ITSN1: variants seen among roughly 807,000 people sequenced by gnomAD.
ITSN1 encodes intersectin-1.
ITSN1 carries 58 observed loss-of-function variants against 239.8 expected under a neutral mutation model. The observed-to-expected ratio is 0.24, with a 90% CI of 0.20 to 0.30. The LOEUF (loss-of-function observed/expected upper bound fraction) is 0.30. Ranked by LOEUF, ITSN1 falls within the 10% of genes least tolerant of loss-of-function variation. ITSN1 has a pLI of 1.00. For synonymous variants in ITSN1, 780 were observed against 770.8 expected (o/e 1.01, Z -0.20); for missense variants, 1,558 against 2,103.3 (o/e 0.74, Z 5.07).
At chr21:33,786,482 A>C (rs2070692527) in intron 16 of ITSN1, among the ~76,000 whole-genome samples, 2 of 152,242 alleles carry the variant, frequency 1.3e-5, no homozygotes, top group South Asian at 4.1e-4. Flanking sequence ...TATGATTCAA[A>C]CAAGTGTTAA....
chr21:33,685,420 A>G lies in ITSN1; in HGVS notation c.-32-33377A>G, dbSNP rs7280638. On this transcript the variant is annotated intron_variant, in intron 1 of 39. Transcript: ENST00000381318. ...TTATCTAAATAGTATTGAAAGGAAGAAAGAATTATTTCACCAAGAGTTGGC... is the reference window on the plus strand; with the variant it reads ...TTATCTAAATAGTATTGAAAGGAAGGAAGAATTATTTCACCAAGAGTTGGC... Among the ~76,000 whole-genome samples the G allele has an allele frequency of 7.4e-3, 1,127 of 152,188 alleles. 9 individuals are homozygous for G. Among genetic ancestry groups the G allele is most frequent in the African/African-American group, 0.026 (1,066 of 41,522 alleles).
chr21:33,669,149 C>G (rs2090102601), intron 1 of ITSN1, among the ~76,000 whole-genome samples: 1 of 152,252 alleles, frequency 6.6e-6, no homozygotes, highest in South Asian at 2.1e-4. Context: ...ATGGTGCGAT[C>G]TCTGCTCACT....
intron 29 of ITSN1, among the ~76,000 whole-genome samples, chr21:33,844,136 C>G (rs1395352200): frequency 3.3e-5 from 5 of 152,324 alleles, no homozygotes; most frequent in Non-Finnish European, 7.3e-5. Flanking sequence ...CGTGCACGAA[C>G]CCTGGCCCCC....
At chr21:33,887,986 C>G (rs1029910897) in intron 39 of ITSN1, among the ~76,000 whole-genome samples, 166 bp from the exon 40 acceptor site, 1 of 151,914 alleles carries the variant, frequency 6.6e-6, no homozygotes, top group Non-Finnish European at 1.5e-5. Context: ...GACACATTGG[C>G]AACTCCGCTG....
At chr21:33,711,063 C>T (rs2092401834) in intron 1 of ITSN1, among the ~76,000 whole-genome samples, 1 of 152,076 alleles carries the variant, frequency 6.6e-6, no homozygotes, top group East Asian at 1.9e-4. Context: ...GCATGAGCCA[C>T]CGCGCCTGGC....
At chr21:33,767,621 G>T in intron 10 of ITSN1, 92 bp from the exon 11 acceptor site, 2 of 596,958 alleles carry the variant, frequency 3.4e-6, no homozygotes, top group Admixed American at 3.2e-5. Flanking sequence ...CCATGGCATG[G>T]TAAAATCTTT....
At chr21:33,643,050 G>A (rs894853963) in intron 1 of ITSN1, among the ~76,000 whole-genome samples, 3 of 149,870 alleles carry the variant, frequency 2.0e-5, no homozygotes, top group African/African-American at 7.3e-5. Context: ...CCCTCCTCTC[G>A]CGGGGACCCC....
rs771743810 is a variant in ITSN1 at position 33,829,636 on chromosome 21, T to C, written c.3242T>C (p.Val1081Ala). Residue 1081 changes from valine to alanine, a missense_variant, in exon 27 of 40, where the codon GTT becomes GCT. Physicochemically the swap from Val to Ala is moderately conservative, Grantham distance 64. Around this residue, in one of 2 missense-constraint regions of ITSN1, gnomAD observed 576 missense variants for 893.3 expected, o/e 0.64. Transcript: ENST00000381318. ...SLGKKPEIAQ[V>A]IASYTATGPE... The stretch of plus-strand genomic sequence containing the variant: ...TCTTGTTTTTCAGAAATTGCCCAGG[T>C]TATTGCCTCATACACCGCCACCGGC... The C allele has an allele frequency of 1.2e-6, 2 of 1,612,242 alleles. No individual in the cohort carries two copies. The highest frequency in any genetic ancestry group is 1.7e-5 in the Admixed American group (1 of 60,012).
intron 2 of ITSN1, among the ~76,000 whole-genome samples, chr21:33,719,346 C>A (rs756497921): frequency 1.3e-5 from 2 of 152,130 alleles, no homozygotes; most frequent in Non-Finnish European, 2.9e-5. Flanking sequence ...GAGGCTGAGG[C>A]AGGAGAATGA....
chr21:33,677,342 C>CTT lies in ITSN1; in HGVS notation c.-33+34644_-33+34645dup, dbSNP rs748470766. Among the ~76,000 whole-genome samples, 945 of 137,138 alleles carry CTT rather than the reference C, an allele frequency of 6.9e-3. 6 individuals carry two copies. Among genetic ancestry groups the CTT allele is most frequent in the African/African-American group, 0.024 (892 of 37,682 alleles). The allele number at this position is 137,138 out of a possible 152,430, so 90.0% of individuals were successfully genotyped here. A position where few individuals can be genotyped will look rare whatever the true frequency, so the allele number is the denominator to read the frequency against. ...AAATTAACATAGCCAAAGCAGAATT[C>CTT]TTTTTTTTTTTTTTTTAAGACAGAG... On this transcript the variant is annotated intron_variant, in intron 1 of 39. Transcript: ENST00000381318.
intron 27 of ITSN1, among the ~76,000 whole-genome samples, chr21:33,833,871 C>CAAA (rs923200436): frequency 3.3e-5 from 2 of 61,204 alleles, no homozygotes; most frequent in Non-Finnish European, 3.6e-5. Flanking sequence ...GACTCCGTCT[C>CAAA]AAAAAAAAAA....
intron 1 of ITSN1, among the ~76,000 whole-genome samples, chr21:33,687,058 C>T (rs546505179): frequency 5.9e-5 from 9 of 152,132 alleles, no homozygotes; most frequent in African/African-American, 1.4e-4. Flanking sequence ...CAGCTGGGTA[C>T]GGTGGCCCAT....
Position 33,867,089 on chromosome 21 carries a change from C to T in ITSN1, c.4075-144C>T, listed in dbSNP as rs983498029. 15 of 618,128 alleles carry T rather than the reference C, an allele frequency of 2.4e-5. 1 individual carries two copies. The highest frequency in any genetic ancestry group is 1.3e-4 in the South Asian group (7 of 52,306). 38.3% of individuals were successfully genotyped at this position (618,128 alleles called of 1,614,324 possible). On this transcript the variant is annotated intron_variant, in intron 32 of 39. Transcript: ENST00000381318. ...TGTCATCCTGGACAGGGTAACTAGT[C>T]AGGCCCTTCCAACCCCAGGTCTCTC...
intron 31 of ITSN1, among the ~76,000 whole-genome samples, chr21:33,861,123 G>GA (rs1397751338): frequency 6.6e-6 from 1 of 152,128 alleles, no homozygotes; most frequent in Non-Finnish European, 1.5e-5. Flanking sequence ...CATTTTACTA[G>GA]AAAAAATCTC....
chr21:33,663,528 A>C (rs1448065905), intron 1 of ITSN1, among the ~76,000 whole-genome samples: 2 of 152,262 alleles, frequency 1.3e-5, no homozygotes, highest in Non-Finnish European at 2.9e-5. Context: ...AAGAGATCTG[A>C]ATCAGGATGA....
In ITSN1 at chr21:33,729,459, CAAAT is replaced by C. The variant is rs375906902; in HGVS notation, c.186-5581_186-5578del. Reference sequence around the variant, plus strand: ...TGAGACCCTGTCTCAAACAAACAAACAAATAAAAAAAAAAAAAAGAACCTAGTAA... The same window carrying C: ...TGAGACCCTGTCTCAAACAAACAAACAAAAAAAAAAAAAAGAACCTAGTAA... On this transcript the variant is annotated intron_variant, in intron 4 of 39. Transcript: ENST00000381318. Among the ~76,000 whole-genome samples, 39 of 141,014 alleles carry C rather than the reference CAAAT, an allele frequency of 2.8e-4. 1 individual carries two copies. Among genetic ancestry groups the C allele is most frequent in the African/African-American group, 8.7e-4 (33 of 38,066 alleles). The allele number at this position is 141,014 out of a possible 152,430, so 92.5% of individuals were successfully genotyped here.
intron 29 of ITSN1, among the ~76,000 whole-genome samples, chr21:33,839,836 A>G (rs1326124417): frequency 6.6e-6 from 1 of 152,160 alleles, no homozygotes; most frequent in African/African-American, 2.4e-5. Context: ...ATTGGACCCC[A>G]TGATTCTCAG....
intron 4 of ITSN1, among the ~76,000 whole-genome samples, chr21:33,724,874 C>T (rs1031993546): frequency 5.9e-5 from 9 of 152,004 alleles, no homozygotes; most frequent in Admixed American, 2.6e-4. Context: ...ATGCTGGTCT[C>T]GAACTCCTGG....
At chr21:33,662,553 A>C (rs886939825) in intron 1 of ITSN1, among the ~76,000 whole-genome samples, 2 of 152,150 alleles carry the variant, frequency 1.3e-5, no homozygotes, top group African/African-American at 2.4e-5. Context: ...CCAGGGAAAA[A>C]ACTGATTTCC....
Sources: gnomAD v4.1 joint callset for allele counts (sites outside exome capture counted in the v4.1 genomes callset) on GRCh38, gnomAD v4.1.1 for gene constraint, gnomAD v4.1.1 regional missense constraint, MANE v1.5 for transcripts, NCBI Gene and HGNC (gene_info 2026-07-23, HGNC 2026-07-21) for gene names.